The following MTDH variants were observed in gnomAD, a reference collection of about 807,000 sequenced individuals.
The protein encoded by MTDH is metadherin.
Under a neutral mutation model 72.7 loss-of-function variants are expected in MTDH, and 34 were observed. The ratio of observed to expected loss-of-function variants is 0.47; its 90% CI spans 0.36 to 0.62. The LOEUF (loss-of-function observed/expected upper bound fraction) is 0.62. MTDH is among the 20% of genes least tolerant of loss of function. MTDH has a pLI of 0.00. For synonymous variants in MTDH, 266 were observed against 268.9 expected, an observed-to-expected ratio of 0.99 and a Z score of 0.10; for missense variants, 677 against 699.4, an observed-to-expected ratio of 0.97 and a Z score of 0.36.
At position 97,676,519 on chromosome 8, in the gene MTDH, G is replaced by A. The variant is rs1812853198; in HGVS notation, c.484-10149G>A. Among the ~76,000 whole-genome samples, 3 of 152,188 alleles carry A rather than the reference G, an allele frequency of 2.0e-5. No homozygotes were observed. The South Asian group carries it at 6.2e-4, about 32-fold the overall frequency. ...ATAGCTCTACTCTTGCTGCCAACAT[G>A]TACTTTTTGCCACTCTAATAAGTGA... is the stretch of plus-strand genomic sequence containing the variant. On this transcript the variant is annotated intron_variant, in intron 2 of 11. Coordinates refer to ENST00000336273, the MANE Select transcript of MTDH (RefSeq NM_178812.4).
chr8:97,673,794 G>A (rs1383796524), intron 2 of MTDH, among the ~76,000 whole-genome samples: 1 of 151,322 alleles, frequency 6.6e-6, no homozygotes, highest in East Asian at 1.9e-4. Flanking sequence ...GGGCAACATG[G>A]CAAAACCCTG....
intron 6 of MTDH, among the ~76,000 whole-genome samples, chr8:97,698,372 A>AT (rs1813961092): frequency 6.6e-6 from 1 of 152,130 alleles, no homozygotes; most frequent in Non-Finnish European, 1.5e-5. Flanking sequence ...TATATCTATA[A>AT]AGCAAGGGGT....
chr8:97,664,362 A>G (rs1003876848), intron 2 of MTDH, among the ~76,000 whole-genome samples: 9 of 152,184 alleles, frequency 5.9e-5, no homozygotes, highest in Admixed American at 2.6e-4. Context: ...TCTCAAAAAA[A>G]AAAAAATGGA....
At chr8:97,669,489 G>T (rs915854722) in intron 2 of MTDH, among the ~76,000 whole-genome samples, 2 of 151,992 alleles carry the variant, frequency 1.3e-5, no homozygotes, top group African/African-American at 4.8e-5. Flanking sequence ...ACCCCAAAAA[G>T]AAATCTCGTG....
At chr8:97,645,078 T>A (rs2130900380) in intron 1 of MTDH, among the ~76,000 whole-genome samples, 191 bp downstream of exon 1, 1 of 151,850 alleles carries the variant, frequency 6.6e-6, no homozygotes, top group Non-Finnish European at 1.5e-5. Flanking sequence ...ACTCAGGAAG[T>A]ATAGGACGAG....
chr8:97,678,315 A>G (rs149294218), intron 2 of MTDH, among the ~76,000 whole-genome samples: 283 of 152,346 alleles, frequency 1.9e-3, no homozygotes, highest in African/African-American at 6.5e-3. Context: ...AGTTAGGGAG[A>G]GATACCACCA....
At chr8:97,656,179 A>G (rs1048277271) in intron 1 of MTDH, among the ~76,000 whole-genome samples, 2 of 151,972 alleles carry the variant, frequency 1.3e-5, no homozygotes, top group Admixed American at 1.3e-4. Flanking sequence ...GTTCTATGTG[A>G]TTTCATTTTA....
intron 2 of MTDH, among the ~76,000 whole-genome samples, chr8:97,684,959 G>A (rs892118212): frequency 2.6e-5 from 4 of 152,116 alleles, no homozygotes; most frequent in East Asian, 3.8e-4. Context: ...CCAGCTACTC[G>A]GGAGGCTGAG....
intron 1 of MTDH, among the ~76,000 whole-genome samples, chr8:97,658,462 T>C (rs750204580): frequency 2.0e-5 from 3 of 152,230 alleles, no homozygotes; most frequent in Non-Finnish European, 2.9e-5. Context: ...ATCAATATTG[T>C]TTGCAGTTGT....
At chr8:97,656,971 G>C (rs1271227763) in intron 1 of MTDH, among the ~76,000 whole-genome samples, 1 of 149,926 alleles carries the variant, frequency 6.7e-6, no homozygotes, top group East Asian at 1.9e-4. Context: ...GACAGAGCAA[G>C]ACTGTGTCTC....
chr8:97,653,033 C>T (rs1056605228), intron 1 of MTDH, among the ~76,000 whole-genome samples: 2 of 151,624 alleles, frequency 1.3e-5, no homozygotes, highest in Admixed American at 1.3e-4. Context: ...ACAGGGGAAT[C>T]GCTTGAACCC....
rs146922013 is a variant in MTDH, at chr8:97,673,154, T to C, written c.483+11981T>C. ...GTTGATAAAACAAGAGCCCCTACTCTTGTGAAACTTAGTCGGGAAAACAAC... is the reference window on the plus strand; with the variant it reads ...GTTGATAAAACAAGAGCCCCTACTCCTGTGAAACTTAGTCGGGAAAACAAC... On this transcript the variant is annotated intron_variant, in intron 2 of 11. Coordinates refer to ENST00000336273, the MANE Select transcript of MTDH (RefSeq NM_178812.4). Among the ~76,000 whole-genome samples the C allele has an allele frequency of 6.1e-3, 926 of 152,278 alleles. 7 individuals are homozygous for C. Among genetic ancestry groups the C allele is most frequent in the African/African-American group, 0.02 (839 of 41,542 alleles).
At position 97,644,687 on chromosome 8, in the gene MTDH, C is replaced by T. The variant is rs372430357; in HGVS notation, c.181C>T (p.Leu61=). 4 of 1,601,830 alleles carry T rather than the reference C, an allele frequency of 2.5e-6. No individual in the cohort carries two copies. Among genetic ancestry groups the T allele is most frequent in the Non-Finnish European group, 3.4e-6 (4 of 1,176,136 alleles). The change falls in exon 1 of 12, where the codon CTG becomes TTG. Residue 61 remains leucine (L), a synonymous_variant. Transcript: ENST00000336273. Reference sequence around the variant, plus strand: ...CCTGGTGGGCACTGGCGCGCTCGGGCTGCTGCTGCTGTTTCTGCTGGGCTA... The same window carrying T: ...CCTGGTGGGCACTGGCGCGCTCGGGTTGCTGCTGCTGTTTCTGCTGGGCTA... ...VILVGTGALG[L]LLLFLLGYGW...
rs1297260659 is a variant in MTDH, at chr8:97,726,797, G to C, written c.*2127G>C. ...TTGTTTTAAGAGATGGCAGCTGGCCGGGTGCAGTGGCTCACGTCTGTAATC... is the reference window on the plus strand; with the variant it reads ...TTGTTTTAAGAGATGGCAGCTGGCCCGGTGCAGTGGCTCACGTCTGTAATC... On this transcript the variant is annotated 3_prime_UTR_variant, in exon 12 of 12. Coordinates refer to ENST00000336273, the MANE Select transcript of MTDH (RefSeq NM_178812.4). 1.3e-5 allele frequency: 2 copies of C among 152,264 alleles called. No individual in the cohort carries two copies. Among genetic ancestry groups the C allele is most frequent in the East Asian group, 3.8e-4 (2 of 5,198 alleles). The allele number at this position is 152,264 out of a possible 1,614,324, so 9.4% of individuals were successfully genotyped here.
At chr8:97,649,630 G>A (rs1371667673) in intron 1 of MTDH, among the ~76,000 whole-genome samples, 1 of 152,170 alleles carries the variant, frequency 6.6e-6, no homozygotes, top group Non-Finnish European at 1.5e-5. Flanking sequence ...TTGGAGACCA[G>A]AGTCTCACTT....
intron 2 of MTDH, among the ~76,000 whole-genome samples, chr8:97,676,963 C>T (rs6468583): frequency 0.17 from 23,623 of 136,242 alleles, 3,066 homozygotes; most frequent in African/African-American, 0.34. Context: ...TGAGATTGTG[C>T]CATTGCACTC....
intron 2 of MTDH, among the ~76,000 whole-genome samples, chr8:97,677,456 A>G (rs918852715): frequency 1.2e-4 from 18 of 150,408 alleles, no homozygotes; most frequent in African/African-American, 3.7e-4. Context: ...ATGCCACTGC[A>G]CTCTAGCCTG....
chr8:97,682,278 AT>A (rs1813166269), intron 2 of MTDH, among the ~76,000 whole-genome samples: 3 of 3,038 alleles, frequency 9.9e-4, no homozygotes, highest in Admixed American at 8.8e-3. Flanking sequence ...ATATATATAT[AT>A]ATTTTTTTTT....
chr8:97,695,107 CTT>C (rs74734143), intron 6 of MTDH, among the ~76,000 whole-genome samples: 4 of 139,286 alleles, frequency 2.9e-5, no homozygotes, highest in Admixed American at 7.2e-5. Context: ...TTGCTGCTGC[CTT>C]TTTTTTTTTT....
Sources: allele counts gnomAD v4.1 joint callset (sites outside exome capture counted in the v4.1 genomes callset), GRCh38; gene constraint gnomAD v4.1.1; transcripts MANE v1.5; gene names NCBI Gene and HGNC (gene_info 2026-07-23, HGNC 2026-07-21).